MGA: variants seen among roughly 807,000 people sequenced by gnomAD.
MGA encodes the protein MAX dimerization protein MGA, also known as MAX gene-associated protein.
Under a neutral mutation model 261.1 loss-of-function variants are expected in MGA, and 40 were observed. The observed-to-expected ratio is 0.15, with a 90% CI of 0.12 to 0.20. The LOEUF (loss-of-function observed/expected upper bound fraction) is 0.20, where lower values mean the gene tolerates loss of function less well. Among genes scored for constraint, MGA ranks in the 10% least tolerant of loss-of-function variants. MGA has a pLI of 1.00. For synonymous variants in MGA, 1,302 were observed against 1,290.6 expected (o/e 1.01, Z -0.19); for missense variants, 3,397 against 3,630.5 (o/e 0.94, Z 1.65).
At chr15:41,664,540 TA>T (rs994964953) in intron 1 of MGA, among the ~76,000 whole-genome samples, 7 of 152,184 alleles carry the variant, frequency 4.6e-5, no homozygotes, top group African/African-American at 1.7e-4. Context: ...TTGGGATAAC[TA>T]GATTTTTTTT....
chr15:41,664,962 A>AT (rs1180365672), intron 1 of MGA, among the ~76,000 whole-genome samples: 9 of 152,160 alleles, frequency 5.9e-5, no homozygotes, highest in Admixed American at 1.3e-4. Flanking sequence ...CAGAGGAGAG[A>AT]TTTTTTGTTG....
At position 41,749,337 on chromosome 15, in the gene MGA, A is replaced by G. The variant is rs780418890; in HGVS notation, c.5730A>G (p.Gln1910=). ...TGAGGATTTCTCCTCCTGAACCACA[A>G]AGCTTTGCAAGTAAAACAGGCTCTG... The change falls in exon 17 of 24, where the codon CAA becomes CAG. Residue 1910 remains glutamine (Q), a synonymous_variant. Transcript: ENST00000219905. 21 of 1,613,880 alleles carry G rather than the reference A, an allele frequency of 1.3e-5. No homozygotes were observed. Among genetic ancestry groups the G allele is most frequent in the Non-Finnish European group, 1.0e-5 (12 of 1,179,898 alleles).
intron 18 of MGA, 47 bp from the exon 19 acceptor site, chr15:41,757,741 G>C: frequency 6.7e-7 from 1 of 1,500,474 alleles, no homozygotes; most frequent in Non-Finnish European, 9.2e-7. Context: ...ATAGGTCTTA[G>C]ATTATTAAAT....
At position 41,754,626 on chromosome 15, in the gene MGA, G is replaced by A; in HGVS notation, c.7139+59G>A. On this transcript the variant is annotated intron_variant, in intron 18 of 23. Transcript: ENST00000219905. Reference sequence around the variant, plus strand: ...GTAGTTTTGTAACCAGAAACAAAATGAGATGTTCTGTTCAGGAGCTCTGGG... The same window carrying A: ...GTAGTTTTGTAACCAGAAACAAAATAAGATGTTCTGTTCAGGAGCTCTGGG... The A allele has an allele frequency of 5.4e-6, 8 of 1,475,056 alleles. 1 individual carries two copies. The South Asian group carries it at 1.1e-4, about 21-fold the overall frequency. The allele number at this position is 1,475,056 out of a possible 1,614,324, so 91.4% of individuals were successfully genotyped here. A position where few individuals can be genotyped will look rare whatever the true frequency, so the allele number is the denominator to read the frequency against.
chr15:41,689,925 A>G (rs191694676), intron 2 of MGA, among the ~76,000 whole-genome samples: 25 of 152,352 alleles, frequency 1.6e-4, no homozygotes, highest in African/African-American at 5.8e-4. Flanking sequence ...TATAATTCAC[A>G]TACAATAAAA....
chr15:41,714,674 G>T (rs1182471889), intron 9 of MGA, among the ~76,000 whole-genome samples: 4 of 152,130 alleles, frequency 2.6e-5, no homozygotes, highest in African/African-American at 2.4e-5. Context: ...TTATATTTTA[G>T]TAGAGACGGG....
Position 41,761,811 on chromosome 15 carries a change from A to G in MGA, c.7471A>G (p.Lys2491Glu). The change falls in exon 21 of 24, where the codon AAA becomes GAA. Residue 2491 changes from lysine (K) to glutamate (E), a missense_variant. Lys to Glu is a moderately conservative substitution (Grantham distance 56). This residue lies in a region of MGA where 50 missense variants were observed against 121.5 expected (regional missense o/e 0.41). Transcript: ENST00000219905. ...AGGACAGAAAAATCTCCTGACTCGAAAACGGAATATTCTGATACGGAAAGT... is the reference window on the plus strand; with the variant it reads ...AGGACAGAAAAATCTCCTGACTCGAGAACGGAATATTCTGATACGGAAAGT... 1 of 1,595,314 alleles carries G rather than the reference A, an allele frequency of 6.3e-7. No homozygotes were observed. The highest frequency in any genetic ancestry group is 8.5e-7 in the Non-Finnish European group (1 of 1,170,006).
intron 5 of MGA, among the ~76,000 whole-genome samples, chr15:41,700,754 A>G (rs1211280070): frequency 6.6e-6 from 1 of 152,098 alleles, no homozygotes; most frequent in African/African-American, 2.4e-5. Flanking sequence ...CTGTGCCCCA[A>G]TTTTTAGTTT....
In MGA at chr15:41,739,950, G is replaced by C. The variant is rs1475166323; in HGVS notation, c.4435-103G>C. The C allele has an allele frequency of 2.5e-6, 4 of 1,612,746 alleles. No homozygotes were observed. The Admixed American group carries it at 6.7e-5, about 27-fold the overall frequency. On this transcript the variant is annotated intron_variant, in intron 13 of 23. Transcript: ENST00000219905. ...CGCAGGCTAAGTTGCTATTGGGACA[G>C]ATGGGGGCATTGCATCCAGCCAATA...
chr15:41,650,349 C>T (rs1205641409), intron 1 of MGA, among the ~76,000 whole-genome samples: 5 of 152,172 alleles, frequency 3.3e-5, no homozygotes, highest in African/African-American at 1.2e-4. Flanking sequence ...CCCTTGTGTG[C>T]TTTGTCAACT....
chr15:41,753,810 T>C (rs1181360891), intron 17 of MGA, among the ~76,000 whole-genome samples: 1 of 152,264 alleles, frequency 6.6e-6, no homozygotes, highest in Non-Finnish European at 1.5e-5. Context: ...TTAAGATTTA[T>C]GAAACCTTAA....
At chr15:41,763,197 T>TCATGCCATTCTCCTGCCTC (rs2063591070) in intron 22 of MGA, among the ~76,000 whole-genome samples, 1 of 148,312 alleles carries the variant, frequency 6.7e-6, no homozygotes, top group Non-Finnish European at 1.5e-5. Context: ...CCTCCTGGGT[T>TCATGCCATTCTCCTGCCTC]CATGCCATTC....
In MGA at chr15:41,748,866, G is replaced by A; in HGVS notation, c.5442G>A (p.Leu1814=). 1 of 1,613,992 alleles carries A rather than the reference G, an allele frequency of 6.2e-7. No homozygotes were observed. The highest frequency in any genetic ancestry group is 8.5e-7 in the Non-Finnish European group (1 of 1,179,878). Residue 1814 remains leucine (L), a synonymous_variant, in exon 16 of 24, where the codon TTG becomes TTA. Transcript: ENST00000219905. ...GGCAGATTGTCCAGCTTCTACCTTT[G>A]CATCAGCTTCGAGGCTCTAATACCC...
chr15:41,624,875 C>G, intron 1 of MGA, among the ~76,000 whole-genome samples: 1 of 152,188 alleles, frequency 6.6e-6, no homozygotes, highest in African/African-American at 2.4e-5. Context: ...AGGCACGTGG[C>G]TCATGTCTAT....
At chr15:41,731,402 C>T (rs991267839) in intron 11 of MGA, among the ~76,000 whole-genome samples, 6 of 151,962 alleles carry the variant, frequency 3.9e-5, no homozygotes, top group South Asian at 2.1e-4. Context: ...AATAATTTCT[C>T]TCATAATTAT....
rs73407212 is a variant in MGA at position 41,674,866 on chromosome 15, T to C, written c.1064+4908T>C. Among the ~76,000 whole-genome samples the C allele has an allele frequency of 7.3e-3, 1,116 of 152,366 alleles. 18 individuals carry two copies. Among genetic ancestry groups the C allele is most frequent in the African/African-American group, 0.026 (1,075 of 41,592 alleles). ...CTGATGTTTCTAGCTTATTTGTCTC[T>C]CTTCTTAGTTCCAGACCTCTAGATC... is the stretch of plus-strand genomic sequence containing the variant. On this transcript the variant is annotated intron_variant, in intron 2 of 23. Transcript: ENST00000219905.
chr15:41,728,064 T>C (rs2151694446), intron 10 of MGA, among the ~76,000 whole-genome samples: 1 of 152,288 alleles, frequency 6.6e-6, no homozygotes, highest in African/African-American at 2.4e-5. Context: ...GCGCGGTGGC[T>C]CACGCTTGTA....
At chr15:41,673,860 CT>C (rs1205487661) in intron 2 of MGA, among the ~76,000 whole-genome samples, 17 of 152,124 alleles carry the variant, frequency 1.1e-4, no homozygotes, top group African/African-American at 4.1e-4. Flanking sequence ...GTAGTCTTAT[CT>C]ATGACTTTGA....
intron 2 of MGA, among the ~76,000 whole-genome samples, chr15:41,677,333 G>C (rs760258251): frequency 6.6e-6 from 1 of 152,086 alleles, no homozygotes; most frequent in East Asian, 1.9e-4. Context: ...TTAGAGGTGG[G>C]GTTTCGCCAT....
Sources: gnomAD v4.1 joint callset for allele counts (sites outside exome capture counted in the v4.1 genomes callset) on GRCh38, gnomAD v4.1.1 for gene constraint, gnomAD v4.1.1 regional missense constraint, MANE v1.5 for transcripts, NCBI Gene and HGNC (gene_info 2026-07-23, HGNC 2026-07-21) for gene names.